Variants in MROH7 observed in about 807,000 individuals in gnomAD.
MROH7 encodes the protein maestro heat like repeat family member 7.
Under a neutral mutation model 129.2 loss-of-function variants are expected in MROH7, and 113 were observed. That is an observed-to-expected ratio of 0.87 (90% CI 0.75 to 1.02). The LOEUF (loss-of-function observed/expected upper bound fraction) is 1.02. Ranked by LOEUF, MROH7 falls within the 50% of genes least tolerant of loss-of-function variation. MROH7 has a pLI of 0.00. For synonymous variants in MROH7, 655 were observed against 667.9 expected (o/e 0.98, Z 0.30); for missense variants, 1,601 against 1,671.3 (o/e 0.96, Z 0.73).
Position 54,653,896 on chromosome 1 carries a change from C to T in MROH7, c.970C>T (p.Pro324Ser). The T allele has an allele frequency of 6.2e-7, 1 of 1,614,048 alleles. No individual in the cohort carries two copies. The highest frequency in any genetic ancestry group is 8.5e-7 in the Non-Finnish European group (1 of 1,179,946). ...THEPNSTISP[P>S]SCMTLILGSN... ...TGAGCCCAACTCCACCATCTCTCCA[C>T]CCTCATGCATGACTCTAATCCTGGG... Residue 324 changes from proline (P) to serine (S), a missense_variant, in exon 3 of 24, where the codon CCC (proline) becomes TCC (serine). Coordinates refer to ENST00000421030, the MANE Select transcript of MROH7 (RefSeq NM_001039464.4).
At chr1:54,648,723 A>G (rs1195785764) in intron 1 of MROH7, among the ~76,000 whole-genome samples, 13 of 151,848 alleles carry the variant, frequency 8.6e-5, no homozygotes, top group Non-Finnish European at 1.8e-4. Context: ...GTTTGTTGGA[A>G]GCTGGTCTAG....
At chr1:54,664,461 G>A (rs906582357) in intron 3 of MROH7, among the ~76,000 whole-genome samples, 1 of 152,200 alleles carries the variant, frequency 6.6e-6, no homozygotes, top group South Asian at 2.1e-4. Context: ...GAGGTATGGC[G>A]AGCAGTGGCC....
At chr1:54,693,457 G>A (rs1645271713) in intron 16 of MROH7, among the ~76,000 whole-genome samples, 1 of 152,124 alleles carries the variant, frequency 6.6e-6, no homozygotes, top group Admixed American at 6.5e-5. Flanking sequence ...CCTGGCATAT[G>A]GTAAGAGCTC....
Position 54,653,006 on chromosome 1 carries a change from C to T in MROH7, c.80C>T (p.Pro27Leu), listed in dbSNP as rs769736721. ...MTPSPPSCGAPGLGSGTIPQP... is the reference protein window; with the variant it reads ...MTPSPPSCGALGLGSGTIPQP... ...CCAAGTCCCCCCTCCTGTGGGGCCC[C>T]GGGATTAGGGTCTGGTACCATCCCT... The change falls in exon 3 of 24, where the codon CCG (proline) becomes CTG (leucine). Residue 27 changes from proline to leucine, a missense_variant. Pro to Leu is a moderately conservative substitution (Grantham distance 98). Coordinates refer to ENST00000421030, the MANE Select transcript of MROH7 (RefSeq NM_001039464.4). 1.4e-5 allele frequency: 22 copies of T among 1,613,936 alleles called. No homozygotes were observed. Among genetic ancestry groups the T allele is most frequent in the African/African-American group, 5.3e-5 (4 of 74,908 alleles).
chr1:54,691,803 A>AAGTGTGTGT (rs778263944), intron 15 of MROH7, among the ~76,000 whole-genome samples: 1 of 104,186 alleles, frequency 9.6e-6, no homozygotes, highest in African/African-American at 3.9e-5. Context: ...AAAAAAAAAA[A>AAGTGTGTGT]GTGTGTGTGT....
intron 15 of MROH7, among the ~76,000 whole-genome samples, chr1:54,689,339 A>G (rs941731708): frequency 6.6e-6 from 1 of 152,222 alleles, no homozygotes; most frequent in Non-Finnish European, 1.5e-5. Context: ...TGGACTCTTC[A>G]GAGGGCTGCG....
At chr1:54,666,701 C>T (rs1644820815) in intron 4 of MROH7, among the ~76,000 whole-genome samples, 1 of 151,902 alleles carries the variant, frequency 6.6e-6, no homozygotes, top group South Asian at 2.1e-4. Context: ...CCTGCCTAAG[C>T]CTTCCAAAGT....
At chr1:54,687,236 G>A (rs566470355) in intron 15 of MROH7, among the ~76,000 whole-genome samples, 1 of 152,092 alleles carries the variant, frequency 6.6e-6, no homozygotes, top group Non-Finnish European at 1.5e-5. Context: ...ACCATGCCCA[G>A]CTAATTGTTT....
chr1:54,684,736 T>C (rs1645120448), intron 14 of MROH7, among the ~76,000 whole-genome samples: 1 of 152,232 alleles, frequency 6.6e-6, no homozygotes, highest in African/African-American at 2.4e-5. Flanking sequence ...TGCCTCACTA[T>C]ATAACCGTGG....
chr1:54,680,117 C>A, intron 13 of MROH7, 72 bp downstream of exon 13: 1 of 1,447,192 alleles, frequency 6.9e-7, no homozygotes, highest in Non-Finnish European at 9.6e-7. Flanking sequence ...GGTTGGGGAC[C>A]CCCTTCTGCC....
intron 17 of MROH7, chr1:54,699,863 G>A: frequency 1.9e-6 from 1 of 520,916 alleles, no homozygotes; most frequent in Non-Finnish European, 3.4e-6. Flanking sequence ...GTCAAGCCTA[G>A]CTTTAAGGCT....
At chr1:54,673,248 G>T (rs1336826288) in intron 8 of MROH7, 62 bp downstream of exon 8, 11 of 1,337,798 alleles carry the variant, frequency 8.2e-6, no homozygotes, top group Non-Finnish European at 1.2e-5. Flanking sequence ...AGAGAAATTG[G>T]TGCAGGAGCA....
rs1557692041 is a variant in MROH7 at position 54,653,938 on chromosome 1, A to C, written c.1012A>C (p.Ser338Arg). Residue 338 changes from serine to arginine, a missense_variant, in exon 3 of 24, where the codon AGC becomes CGC. Coordinates refer to ENST00000421030, the MANE Select transcript of MROH7 (RefSeq NM_001039464.4). ...AATCCTGGGTTCCAATGAGACTCTG[A>C]GCCTGGACTCCAGCCTCCTGTTCAG... ...TLILGSNETL[S>R]LDSSLLFSDT... The C allele has an allele frequency of 6.2e-7, 1 of 1,614,156 alleles. No homozygotes were observed. The highest frequency in any genetic ancestry group is 2.2e-5 in the East Asian group (1 of 44,874).
rs191371572 is a variant in MROH7 at position 54,659,688 on chromosome 1, G to A, written c.1232-5479G>A. Among the ~76,000 whole-genome samples, 199 of 152,260 alleles carry A rather than the reference G, an allele frequency of 1.3e-3. 1 individual carries two copies. The highest frequency in any genetic ancestry group is 4.7e-3 in the African/African-American group (194 of 41,562). ...GGCTGGTCTTGAACTCCCAGCCTCAGGTGATCCACCTGCCTCGGCCTCCCA... is the reference window on the plus strand; with the variant it reads ...GGCTGGTCTTGAACTCCCAGCCTCAAGTGATCCACCTGCCTCGGCCTCCCA... On this transcript the variant is annotated intron_variant, in intron 3 of 23. Coordinates refer to ENST00000421030, the MANE Select transcript of MROH7 (RefSeq NM_001039464.4).
chr1:54,655,721 G>A (rs77025387), intron 3 of MROH7, among the ~76,000 whole-genome samples: 6,711 of 151,676 alleles, frequency 0.044, 384 homozygotes, highest in African/African-American at 0.12. Flanking sequence ...GTTTCTTAGG[G>A]ATTTTTTTAG....
rs757298559 is a variant in MROH7 at position 54,654,168 on chromosome 1, G to A, written c.1231+11G>A. The A allele has an allele frequency of 3.1e-6, 5 of 1,593,416 alleles. No homozygotes were observed. Among genetic ancestry groups the A allele is most frequent in the Non-Finnish European group, 4.3e-6 (5 of 1,170,266 alleles). On this transcript the variant is annotated intron_variant, in intron 3 of 23. Transcript: ENST00000421030. The stretch of plus-strand genomic sequence containing the variant: ...AAGGCATCCCTGAGGGTAAGGCCAG[G>A]GCCGCAGCCCTAGAGAGAGCACTGT...
chr1:54,700,715 C>T (rs1047331549), intron 18 of MROH7, among the ~76,000 whole-genome samples: 1 of 152,224 alleles, frequency 6.6e-6, no homozygotes, highest in African/African-American at 2.4e-5. Flanking sequence ...AAGGGTGGCA[C>T]AAGTATTCCT....
At chr1:54,679,693 T>C (rs1253185456) in intron 12 of MROH7, among the ~76,000 whole-genome samples, 198 bp from the exon 13 acceptor site, 1 of 152,020 alleles carries the variant, frequency 6.6e-6, no homozygotes, top group Non-Finnish European at 1.5e-5. Context: ...GAAGCAGGTA[T>C]AGGGAGCATA....
chr1:54,667,376 T>G (rs1644829987), intron 4 of MROH7, among the ~76,000 whole-genome samples: 1 of 134,912 alleles, frequency 7.4e-6, no homozygotes, highest in Non-Finnish European at 1.6e-5. Context: ...ATCCCAGTAC[T>G]TTGGGAGGCT....
Sources: allele counts gnomAD v4.1 joint callset (sites outside exome capture counted in the v4.1 genomes callset), GRCh38; gene constraint gnomAD v4.1.1; transcripts MANE v1.5; gene names NCBI Gene and HGNC (gene_info 2026-07-23, HGNC 2026-07-21).